FAM81B: variants seen among roughly 807,000 people sequenced by gnomAD.
FAM81B encodes family with sequence similarity 81 member B.
Under a neutral mutation model 58.7 loss-of-function variants are expected in FAM81B, and 60 were observed. That is an observed-to-expected ratio of 1.02 (90% CI 0.83 to 1.27). FAM81B has a LOEUF of 1.27. Among genes scored for constraint, FAM81B ranks in the 50% most tolerant of loss-of-function variants. FAM81B has a pLI of 0.00. For synonymous variants in FAM81B, 189 were observed against 179.6 expected, an observed-to-expected ratio of 1.05 and a Z score of -0.42; for missense variants, 491 against 522.0, an observed-to-expected ratio of 0.94 and a Z score of 0.58.
chr5:95,420,199 T>C, intron 4 of FAM81B, 85 bp from the exon 5 acceptor site: 1 of 1,549,926 alleles, frequency 6.5e-7, no homozygotes. Flanking sequence ...ACAAAATGCA[T>C]TCATTTAGGT....
chr5:95,392,508 A>G (rs1761852850), intron 1 of FAM81B, among the ~76,000 whole-genome samples: 1 of 152,238 alleles, frequency 6.6e-6, no homozygotes, highest in Non-Finnish European at 1.5e-5. Flanking sequence ...TAATTTAAAA[A>G]AAATACATTC....
intron 1 of FAM81B, 136 bp downstream of exon 1, chr5:95,391,649 A>G (rs1352776963): frequency 1.1e-6 from 1 of 930,796 alleles, no homozygotes; most frequent in Non-Finnish European, 1.5e-6. Context: ...GTAATAACTT[A>G]AACAAATGTA....
intron 6 of FAM81B, among the ~76,000 whole-genome samples, chr5:95,435,079 C>T (rs1408106362): frequency 1.3e-5 from 2 of 152,158 alleles, no homozygotes; most frequent in Non-Finnish European, 2.9e-5. Context: ...TCCTTTGTTC[C>T]TTGAACAAAA....
intron 2 of FAM81B, among the ~76,000 whole-genome samples, chr5:95,394,751 C>G (rs1367820765): frequency 6.6e-6 from 1 of 152,122 alleles, no homozygotes; most frequent in Non-Finnish European, 1.5e-5. Context: ...CAGCCTCGAG[C>G]CTTTTCTGCC....
rs371659677 is a variant in FAM81B, at chr5:95,448,345, A to C, written c.1106A>C (p.Lys369Thr). The change falls in exon 9 of 10, where the codon AAA (lysine) becomes ACA (threonine). Residue 369 changes from lysine (K) to threonine (T), a missense_variant. Coordinates refer to ENST00000283357, the MANE Select transcript of FAM81B (RefSeq NM_152548.3). ...GTAGAGAATTTCATTAACACACAGA[A>C]ACAGGAAACACAACTAAGTAAAGTA... ...SKVENFINTQ[K>T]QETQLSKVKH... The C allele has an allele frequency of 1.3e-5, 21 of 1,612,506 alleles. No homozygotes were observed. In the African/African-American group the frequency reaches 1.7e-4, roughly 13 times the overall value.
At position 95,450,377 on chromosome 5, in the gene FAM81B, C is replaced by T; in HGVS notation, c.*95C>T. 3 of 1,554,916 alleles carry T rather than the reference C, an allele frequency of 1.9e-6. No individual in the cohort carries two copies. The highest frequency in any genetic ancestry group is 1.7e-6 in the Non-Finnish European group (2 of 1,156,930). On this transcript the variant is annotated 3_prime_UTR_variant, in exon 10 of 10. Coordinates refer to ENST00000283357, the MANE Select transcript of FAM81B (RefSeq NM_152548.3). ...GTTACTATCTCTGGGATGTTTACTG[C>T]TTCTAATGTCTCCTTTTAAGGAGAC...
In FAM81B at chr5:95,392,895, A is replaced by G. The variant is rs1334526055; in HGVS notation, c.226A>G (p.Lys76Glu). 2 of 1,603,102 alleles carry G rather than the reference A, an allele frequency of 1.2e-6. No individual in the cohort carries two copies. The highest frequency in any genetic ancestry group is 2.2e-5 in the East Asian group (1 of 44,770). ...TGGCTCAGACAATAACCAAGAAAAG[A>G]AAGCAAGTACTTTTCAATATTCACA... is the stretch of plus-strand genomic sequence containing the variant. ...LPGSDNNQEK[K>E]VRLSPAKMST... Residue 76 changes from lysine to glutamate, a missense_variant and splice_region_variant, in exon 2 of 10, where the codon AAA becomes GAA. Coordinates refer to ENST00000283357, the MANE Select transcript of FAM81B (RefSeq NM_152548.3).
At chr5:95,399,367 A>C (rs1019084461) in intron 3 of FAM81B, among the ~76,000 whole-genome samples, 10 of 152,192 alleles carry the variant, frequency 6.6e-5, no homozygotes, top group Admixed American at 2.6e-4. Context: ...ATGCATGAGA[A>C]AGGAAGACAA....
At chr5:95,412,800 T>G (rs1254324417) in intron 3 of FAM81B, among the ~76,000 whole-genome samples, 1 of 152,172 alleles carries the variant, frequency 6.6e-6, no homozygotes. Context: ...TCAAGAATGT[T>G]TGGATCCAAC....
chr5:95,436,725 T>G, intron 6 of FAM81B, 75 bp from the exon 7 acceptor site: 1 of 985,050 alleles, frequency 1.0e-6, no homozygotes, highest in Non-Finnish European at 1.6e-6. Flanking sequence ...CCCGGCTCCT[T>G]AAAGGAATAA....
At chr5:95,438,785 T>TAAAAAAAAAAAAAAAAAAA in intron 7 of FAM81B, among the ~76,000 whole-genome samples, 1 of 128,256 alleles carries the variant, frequency 7.8e-6, no homozygotes. Context: ...GCATTAATTG[T>TAAAAAAAAAAAAAAAAAAA]AAAAAAAAAA....
At chr5:95,426,510 G>A (rs922434392) in intron 5 of FAM81B, among the ~76,000 whole-genome samples, 1 of 152,094 alleles carries the variant, frequency 6.6e-6, no homozygotes, top group South Asian at 2.1e-4. Flanking sequence ...TCAGGCACTG[G>A]CTAAATGCTT....
intron 5 of FAM81B, among the ~76,000 whole-genome samples, chr5:95,420,688 G>A (rs976401838): frequency 2.6e-5 from 4 of 151,412 alleles, no homozygotes; most frequent in African/African-American, 7.3e-5. Flanking sequence ...ATACATAGAC[G>A]CACCTTCATA....
At chr5:95,429,285 C>A (rs1169320338) in intron 6 of FAM81B, among the ~76,000 whole-genome samples, 2 of 152,206 alleles carry the variant, frequency 1.3e-5, no homozygotes, top group Non-Finnish European at 2.9e-5. Flanking sequence ...AGATATTACA[C>A]ATCTTCCTCT....
chr5:95,423,791 C>T (rs187648875), intron 5 of FAM81B, among the ~76,000 whole-genome samples: 2 of 152,226 alleles, frequency 1.3e-5, no homozygotes, highest in East Asian at 3.9e-4. Context: ...TGACCACAAA[C>T]AGAGCACACT....
intron 6 of FAM81B, among the ~76,000 whole-genome samples, chr5:95,433,040 G>C (rs957429643): frequency 6.6e-6 from 1 of 151,856 alleles, no homozygotes; most frequent in African/African-American, 2.4e-5. Flanking sequence ...TATATCCCCC[G>C]GAGTTTAACA....
chr5:95,426,094 G>GTATATATATATATATATATATATATATA (rs57076025), intron 5 of FAM81B, among the ~76,000 whole-genome samples: 1 of 120,180 alleles, frequency 8.3e-6, no homozygotes, highest in African/African-American at 3.3e-5. Flanking sequence ...ATCTCTGTGT[G>GTATATATATATATATATATATATATATA]TATATATATA....
chr5:95,428,516 G>T lies in FAM81B; in HGVS notation c.657-87G>T, dbSNP rs538395388. ...TTCTTCAAATGACTTTAGAACTTTG[G>T]CCATCAAATGAATGTGCAGGTGTCT... On this transcript the variant is annotated intron_variant, in intron 5 of 9. Transcript: ENST00000283357. 5 of 1,495,518 alleles carry T rather than the reference G, an allele frequency of 3.3e-6. No individual in the cohort carries two copies. The South Asian group carries it at 5.1e-5, about 15-fold the overall frequency. 92.6% of individuals were successfully genotyped at this position (1,495,518 alleles called of 1,614,324 possible). A position where few individuals can be genotyped will look rare whatever the true frequency, so the allele number is the denominator to read the frequency against.
At chr5:95,432,050 G>C (rs1041414904) in intron 6 of FAM81B, among the ~76,000 whole-genome samples, 8 of 151,838 alleles carry the variant, frequency 5.3e-5, no homozygotes. Flanking sequence ...CCTTATGATG[G>C]GGAAAGTAAG....
Sources: allele counts gnomAD v4.1 joint callset (sites outside exome capture counted in the v4.1 genomes callset), GRCh38; gene constraint gnomAD v4.1.1; transcripts MANE v1.5; gene names NCBI Gene and HGNC (gene_info 2026-07-23, HGNC 2026-07-21).